Variants in NYAP2 observed in about 807,000 individuals in gnomAD.
The protein encoded by NYAP2 is neuronal tyrosine-phosphorylated phosphoinositide-3-kinase adapter 2.
In NYAP2, 23 loss-of-function variants were observed where a neutral mutation model predicts 50.4. The ratio of observed to expected loss-of-function variants is 0.46; its 90% CI spans 0.33 to 0.65. The LOEUF is 0.65. Among genes scored for constraint, NYAP2 ranks in the 30% least tolerant of loss-of-function variants. The probability of loss-of-function intolerance (pLI) is 0.02; values close to 1 mark genes in which losing one functional copy is unlikely to be tolerated. For synonymous variants in NYAP2, 394 were observed against 365.2 expected (o/e 1.08, Z -0.90); for missense variants, 885 against 861.0 (o/e 1.03, Z -0.35).
At chr2:225,446,670 T>C (rs1359851764) in intron 3 of NYAP2, among the ~76,000 whole-genome samples, 2 of 152,088 alleles carry the variant, frequency 1.3e-5, no homozygotes, top group Non-Finnish European at 2.9e-5. Flanking sequence ...TATTGTAAAA[T>C]CCAATTATGT....
chr2:225,506,616 A>T (rs138763739), intron 3 of NYAP2, among the ~76,000 whole-genome samples: 119 of 152,318 alleles, frequency 7.8e-4, no homozygotes, highest in Middle Eastern at 3.4e-3. Flanking sequence ...GCACAAGGTG[A>T]GCATTTGGCT....
chr2:225,412,783 C>T lies in NYAP2; in HGVS notation c.221+3682C>T, dbSNP rs1190389954. On this transcript the variant is annotated intron_variant, in intron 3 of 6. Coordinates refer to ENST00000636099, the Ensembl canonical transcript of NYAP2. ...AGGATAAGTTCTAGTCGGAAAATAG[C>T]GGGCTAGGAAAGTAAACCAAGATGG... 5.3e-5 allele frequency among the ~76,000 whole-genome samples: 8 copies of T among 152,058 alleles called. No individual in the cohort carries two copies. In the East Asian group the frequency reaches 5.8e-4, roughly 11 times the overall value.
At chr2:225,588,929 A>G (rs962708157) in intron 5 of NYAP2, among the ~76,000 whole-genome samples, 2 of 152,048 alleles carry the variant, frequency 1.3e-5, no homozygotes, top group Admixed American at 1.3e-4. Context: ...CTGAAGTGCC[A>G]TCTACTATTA....
the NYAP2 span, among the ~76,000 whole-genome samples, chr2:225,666,082 G>A: frequency 6.6e-6 from 1 of 152,004 alleles, no homozygotes; most frequent in Non-Finnish European, 1.5e-5. Flanking sequence ...TGGGGTCTTG[G>A]CAAAAGGGTG....
At chr2:225,467,202 G>A (rs886831004) in intron 3 of NYAP2, among the ~76,000 whole-genome samples, 1 of 152,144 alleles carries the variant, frequency 6.6e-6, no homozygotes, top group Non-Finnish European at 1.5e-5. Flanking sequence ...CCAGCCGAAT[G>A]TCCTTAGAGG....
chr2:225,414,798 C>T (rs1450250109), intron 3 of NYAP2, among the ~76,000 whole-genome samples: 2 of 152,170 alleles, frequency 1.3e-5, no homozygotes, highest in Non-Finnish European at 2.9e-5. Context: ...AAAGTCCCTT[C>T]AAACAAAGTT....
At chr2:225,470,254 A>T (rs1689991606) in intron 3 of NYAP2, among the ~76,000 whole-genome samples, 1 of 152,150 alleles carries the variant, frequency 6.6e-6, no homozygotes, top group Non-Finnish European at 1.5e-5. Flanking sequence ...CTTCCCTTGA[A>T]ACAATACCAT....
At position 225,426,709 on chromosome 2, in the gene NYAP2, G is replaced by A. The variant is rs868517367; in HGVS notation, c.221+17608G>A. 3.9e-5 allele frequency among the ~76,000 whole-genome samples: 6 copies of A among 152,272 alleles called. 1 individual carries two copies. Among genetic ancestry groups the A allele is most frequent in the Middle Eastern group, 3.4e-3 (1 of 294 alleles). ...TTTGTTCACTTTTAATAAGACAAGC[G>A]AAGAGATAACATATTAGTACAGTTT... On this transcript the variant is annotated intron_variant, in intron 3 of 6. Transcript: ENST00000636099.
chr2:225,589,516 A>AATATATATATAT (rs71062993), intron 5 of NYAP2, among the ~76,000 whole-genome samples: 3,483 of 70,820 alleles, frequency 0.049, 168 homozygotes, highest in African/African-American at 0.075. Context: ...CTAAAAGTAA[A>AATATATATATAT]ATATATATAT....
intron 6 of NYAP2, among the ~76,000 whole-genome samples, chr2:225,646,357 G>C (rs1486475741): frequency 1.3e-5 from 2 of 152,200 alleles, no homozygotes; most frequent in Non-Finnish European, 2.9e-5. Flanking sequence ...TTTGAGACCA[G>C]TCTGACCAAC....
chr2:225,668,454 A>G, the NYAP2 span, among the ~76,000 whole-genome samples: 4 of 152,162 alleles, frequency 2.6e-5, no homozygotes, highest in Non-Finnish European at 5.9e-5. Context: ...CAGATTTTCC[A>G]TTAGAGGATC....
intron 4 of NYAP2, among the ~76,000 whole-genome samples, chr2:225,519,276 T>G (rs1414974749): frequency 6.6e-6 from 1 of 151,876 alleles, no homozygotes; most frequent in African/African-American, 2.4e-5. Flanking sequence ...TTTTTTATTT[T>G]ATTTTATTAT....
chr2:225,446,228 C>A (rs1261541728), intron 3 of NYAP2, among the ~76,000 whole-genome samples: 2 of 97,140 alleles, frequency 2.1e-5, no homozygotes, highest in African/African-American at 9.7e-5. Context: ...CTCTCTCTCT[C>A]TCTCTCTCTC....
chr2:225,613,190 T>TTAGTCTATGGCTG (rs1324547383), intron 5 of NYAP2, among the ~76,000 whole-genome samples: 2 of 152,184 alleles, frequency 1.3e-5, no homozygotes, highest in Non-Finnish European at 2.9e-5. Flanking sequence ...AGTGCAGGCT[T>TTAGTCTATGGCTG]TAGTCTATGG....
intron 3 of NYAP2, among the ~76,000 whole-genome samples, chr2:225,502,264 G>A (rs1284173889): frequency 6.6e-6 from 1 of 152,156 alleles, no homozygotes; most frequent in Non-Finnish European, 1.5e-5. Flanking sequence ...TGGAGAGAAG[G>A]GGATTAAGCT....
chr2:225,409,160 C>A, intron 3 of NYAP2, 59 bp downstream of exon 3: 1 of 1,272,022 alleles, frequency 7.9e-7, no homozygotes, highest in Non-Finnish European at 1.1e-6. Context: ...ATGAGGGCTG[C>A]TAAAGTTGTG....
At chr2:225,653,865 A>C (rs1242851719) in exon 7 of NYAP2, 1 of 152,028 alleles carries the variant, frequency 6.6e-6, no homozygotes, top group African/African-American at 2.4e-5. Context: ...TAAAAATACA[A>C]AAAATTAGCC....
intron 5 of NYAP2, among the ~76,000 whole-genome samples, chr2:225,611,718 G>T (rs1288045584): frequency 6.6e-6 from 1 of 151,946 alleles, no homozygotes; most frequent in African/African-American, 2.4e-5. Context: ...TACATTAGGA[G>T]TTCTATTCAG....
the NYAP2 span, among the ~76,000 whole-genome samples, chr2:225,683,574 G>A: frequency 1.3e-5 from 2 of 152,134 alleles, no homozygotes; most frequent in African/African-American, 4.8e-5. Context: ...GAGACTTTTA[G>A]TTGAGACACC....
Sources: gnomAD v4.1 joint callset for allele counts (sites outside exome capture counted in the v4.1 genomes callset) on GRCh38, gnomAD v4.1.1 for gene constraint, MANE v1.5 for transcripts, NCBI Gene and HGNC (gene_info 2026-07-23, HGNC 2026-07-21) for gene names.